PRRT4: variants seen among roughly 807,000 people sequenced by gnomAD.
PRRT4 encodes the protein proline-rich transmembrane protein 4.
PRRT4 carries 59 observed loss-of-function variants against 55.6 expected under a neutral mutation model. The observed-to-expected ratio is 1.06, with a 90% CI of 0.86 to 1.32. The LOEUF (loss-of-function observed/expected upper bound fraction) is 1.32. Among genes scored for constraint, PRRT4 ranks in the 40% most tolerant of loss-of-function variants. The pLI, the probability that PRRT4 is intolerant of heterozygous loss-of-function variation, is 0.00. For synonymous variants in PRRT4, 606 were observed against 601.8 expected, an observed-to-expected ratio of 1.01 and a Z score of -0.10; for missense variants, 1,217 against 1,222.0, an observed-to-expected ratio of 1.00 and a Z score of 0.06.
rs1262985980 is a variant in PRRT4, at chr7:128,358,832, AC to A, written c.758-33del. ...AGGGAGCACATGGGGCTCAAGTGCC[AC>A]CCCACCAACCAGCCTTGCCTCTGGG... On this transcript the variant is annotated intron_variant, in intron 3 of 4. Coordinates refer to ENST00000535159, the Ensembl canonical transcript of PRRT4. The surrounding 1 kb of genome is among the most constrained non-coding windows in gnomAD (Gnocchi z 4.4). 1.3e-6 allele frequency: 2 copies of A among 1,498,924 alleles called. No homozygotes were observed. The highest frequency in any genetic ancestry group is 8.9e-7 in the Non-Finnish European group (1 of 1,126,314). The allele number at this position is 1,498,924 out of a possible 1,614,324, so 92.9% of individuals were successfully genotyped here. A position where few individuals can be genotyped will look rare whatever the true frequency, so the allele number is the denominator to read the frequency against.
At chr7:128,359,202 G>A (rs1418386952) in exon 3 of PRRT4, 1 of 1,551,762 alleles carries the variant, frequency 6.4e-7, no homozygotes. Context: ...TTCACCTGGG[G>A]GGCTCAGGCC....
intron 4 of PRRT4, among the ~76,000 whole-genome samples, chr7:128,354,639 A>G (rs1562967815): frequency 6.6e-6 from 1 of 152,084 alleles, no homozygotes; most frequent in East Asian, 1.9e-4. Context: ...TAAAAGATAA[A>G]CAAAAAACAT....
exon 5 of PRRT4, chr7:128,351,653 C>G: frequency 6.6e-7 from 1 of 1,513,420 alleles, no homozygotes; most frequent in Admixed American, 2.0e-5. Context: ...AAGAGCTTGG[C>G]CCAGCAGCGC....
chr7:128,351,992 G>T (rs1475131153), exon 5 of PRRT4: 29 of 1,306,748 alleles, frequency 2.2e-5, no homozygotes, highest in East Asian at 3.3e-5. Context: ...CGCCGCCGCC[G>T]CCCGCCCCAG....
downstream of PRRT4, chr7:128,350,484 AG>A (rs3214795): frequency 0.92 from 239,671 of 260,846 alleles, 110,673 homozygotes; most frequent in Middle Eastern, 0.96. Context: ...AGAGGTGGGT[AG>A]GGGGGCCTGA....
At position 128,359,895 on chromosome 7, in the gene PRRT4, G is replaced by A. The variant is rs1438711618; in HGVS notation, c.97C>T (p.Pro33Ser). 11 of 1,465,020 alleles carry A rather than the reference G, an allele frequency of 7.5e-6. No homozygotes were observed. In the Admixed American group the frequency reaches 2.0e-4, roughly 27 times the overall value. The allele number at this position is 1,465,020 out of a possible 1,614,324, so 90.8% of individuals were successfully genotyped here. A position where few individuals can be genotyped will look rare whatever the true frequency, so the allele number is the denominator to read the frequency against. The change falls in exon 2 of 5, where the codon CCT becomes TCT. Residue 33 changes from proline (P) to serine (S), a missense_variant. By Grantham distance (74) the Pro-to-Ser change is moderately conservative. This residue lies in a region of PRRT4 where 564 missense variants were observed against 592.9 expected (regional missense o/e 0.95). Transcript: ENST00000535159. ...GGTACGGGGGTCAAAGTGGTGGCAG[G>A]GGCACCTGGGATGGAGGGGGTGGGC... is the stretch of plus-strand genomic sequence containing the variant.
At chr7:128,357,236 A>ACTCT (rs60699919) in intron 4 of PRRT4, among the ~76,000 whole-genome samples, 10 of 140,808 alleles carry the variant, frequency 7.1e-5, no homozygotes, top group African/African-American at 2.7e-4. Context: ...ACACACACAC[A>ACTCT]CTCTCTCTCT....
intron 4 of PRRT4, among the ~76,000 whole-genome samples, chr7:128,354,142 G>T (rs1396418962): frequency 6.6e-6 from 1 of 152,176 alleles, no homozygotes; most frequent in Non-Finnish European, 1.5e-5. Context: ...AATGTGAGAG[G>T]AGGGTGCCTG....
rs1797131081 is a variant in PRRT4, at chr7:128,357,232, ACACACTCTCTCTCT to A, written c.877+1435_877+1448del. ...AATACACACACACACACACACACAC[ACACACTCTCTCTCT>A]CTCTCTCTCTCTCTCTCTCTCTGCT... is the stretch of plus-strand genomic sequence containing the variant. On this transcript the variant is annotated intron_variant, in intron 4 of 4. Coordinates refer to ENST00000535159, the Ensembl canonical transcript of PRRT4. Among the ~76,000 whole-genome samples, 4 of 121,632 alleles carry A rather than the reference ACACACTCTCTCTCT, an allele frequency of 3.3e-5. No individual in the cohort carries two copies. In the South Asian group the frequency reaches 1.2e-3, roughly 36 times the overall value. 79.8% of individuals were successfully genotyped at this position (121,632 alleles called of 152,430 possible).
chr7:128,359,339 C>T lies in PRRT4; in HGVS notation c.652+1G>A, dbSNP rs1376542455. On this transcript the variant is annotated splice_donor_variant, in intron 2 of 4. Coordinates refer to ENST00000535159, the Ensembl canonical transcript of PRRT4. LOFTEE classifies it high-confidence loss of function. ...TTCCTTGGGATGGGGTGGTTACTCA[C>T]CAAAGGGTCCCAGGCGCCCAGCAAT... 11 of 1,485,386 alleles carry T rather than the reference C, an allele frequency of 7.4e-6. No homozygotes were observed. Among genetic ancestry groups the T allele is most frequent in the African/African-American group, 2.8e-5 (2 of 70,538 alleles). The allele number at this position is 1,485,386 out of a possible 1,614,324, so 92.0% of individuals were successfully genotyped here. A position where few individuals can be genotyped will look rare whatever the true frequency, so the allele number is the denominator to read the frequency against.
At chr7:128,352,875 T>TGA (rs1797031122) in intron 4 of PRRT4, among the ~76,000 whole-genome samples, 197 bp from the exon 6 acceptor site, 1 of 152,068 alleles carries the variant, frequency 6.6e-6, no homozygotes, top group Non-Finnish European at 1.5e-5. Flanking sequence ...CGCTGGAGTT[T>TGA]GAGCTGTCAT....
At chr7:128,356,113 G>C (rs1427092495) in intron 4 of PRRT4, among the ~76,000 whole-genome samples, 1 of 152,130 alleles carries the variant, frequency 6.6e-6, no homozygotes. Context: ...ACAAAAATTA[G>C]CTGGGCATGG....
intron 1 of PRRT4, among the ~76,000 whole-genome samples, chr7:128,360,866 G>T (rs957504508): frequency 1.3e-5 from 2 of 151,986 alleles, no homozygotes; most frequent in South Asian, 2.1e-4. Context: ...TCTGGTGGGG[G>T]AAGGGAGGGT....
At chr7:128,355,362 T>C (rs1367752179) in intron 4 of PRRT4, among the ~76,000 whole-genome samples, 1 of 152,164 alleles carries the variant, frequency 6.6e-6, no homozygotes, top group East Asian at 1.9e-4. Context: ...CATGCCCGAC[T>C]AATTTTTATA....
At chr7:128,360,258 C>T (rs1162304738) in intron 1 of PRRT4, among the ~76,000 whole-genome samples, 195 bp from the exon 3 acceptor site, 2 of 152,212 alleles carry the variant, frequency 1.3e-5, no homozygotes, top group African/African-American at 4.8e-5. Context: ...CAAATCCCTG[C>T]CTGGGGGTTC....
chr7:128,352,503 G>T (rs1209510230), exon 5 of PRRT4: 2 of 1,542,088 alleles, frequency 1.3e-6, no homozygotes, highest in South Asian at 1.2e-5. Context: ...CCTCTGCCCA[G>T]TCGGCCTCCA....
chr7:128,361,101 T>TCACACA (rs1318199009), intron 1 of PRRT4, among the ~76,000 whole-genome samples: 80 of 118,288 alleles, frequency 6.8e-4, no homozygotes, highest in East Asian at 1.2e-3. Context: ...TCTCTCTCTC[T>TCACACA]CTCACACACA....
At chr7:128,355,928 A>C (rs773007764) in intron 4 of PRRT4, among the ~76,000 whole-genome samples, 3 of 152,154 alleles carry the variant, frequency 2.0e-5, no homozygotes, top group Non-Finnish European at 4.4e-5. Context: ...TCTCATCTCT[A>C]TACCTAAGCT....
chr7:128,361,536 CA>C (rs984797355), intron 1 of PRRT4, 24 bp downstream of exon 1: 42 of 153,136 alleles, frequency 2.7e-4, no homozygotes, highest in African/African-American at 9.9e-4. Flanking sequence ...GCCCCCGGCC[CA>C]GCCCCGGCCC....
Sources: allele counts gnomAD v4.1 joint callset (sites outside exome capture counted in the v4.1 genomes callset), GRCh38; gene constraint gnomAD v4.1.1; regional missense constraint gnomAD v4.1.1; non-coding constraint Gnocchi (gnomAD v3.1); transcripts MANE v1.5; gene names NCBI Gene and HGNC (gene_info 2026-07-23, HGNC 2026-07-21).